Variants in PPA1 observed in about 807,000 individuals in gnomAD.
PPA1 encodes the protein inorganic pyrophosphatase 1.
A neutral mutation model predicts 41.8 loss-of-function variants in PPA1; 23 were observed. That is an observed-to-expected ratio of 0.55 (90% confidence interval 0.40 to 0.78). PPA1 has a LOEUF of 0.78. Ranked by LOEUF, PPA1 falls within the 30% of genes least tolerant of loss-of-function variation. The pLI, the probability that PPA1 is intolerant of heterozygous loss-of-function variation, is 0.00. For missense variants in PPA1, 320 were observed against 361.6 expected, an observed-to-expected ratio of 0.89 and a Z score of 0.93; for synonymous variants, 101 against 116.8, an observed-to-expected ratio of 0.86 and a Z score of 0.87.
chr10:70,206,235 GT>G (rs562005919), intron 9 of PPA1, 28 bp downstream of exon 9: 22,372 of 1,282,410 alleles, frequency 0.017, 188 homozygotes, highest in Non-Finnish European at 0.019. Flanking sequence ...AACCAGGCTT[GT>G]TTTTTTTTTA....
intron 2 of PPA1, among the ~76,000 whole-genome samples, chr10:70,221,104 G>T (rs1840163893): frequency 2.7e-5 from 2 of 72,880 alleles, no homozygotes; most frequent in African/African-American, 7.6e-5. Flanking sequence ...TTGTAGAGAT[G>T]GAGCTTTGCC....
Position 70,213,839 on chromosome 10 carries a change from A to G in PPA1, c.385-250T>C, listed in dbSNP as rs532626778. On this transcript the variant is annotated intron_variant, in intron 5 of 10. Transcript: ENST00000373232. The stretch of plus-strand genomic sequence containing the variant: ...AACCAGTACATAGCTCAGGGTAATC[A>G]ATGTTTTTTGCACTGTCATTGATTA... Among the ~76,000 whole-genome samples the G allele has an allele frequency of 3.9e-5, 6 of 152,286 alleles. 1 individual carries two copies. Among genetic ancestry groups the G allele is most frequent in the African/African-American group, 1.4e-4 (6 of 41,574 alleles).
chr10:70,224,936 G>A (rs1173897200), intron 2 of PPA1, among the ~76,000 whole-genome samples: 2 of 152,096 alleles, frequency 1.3e-5, no homozygotes, highest in African/African-American at 4.8e-5. Flanking sequence ...TCTCCATGTT[G>A]GTCAGGCTGG....
chr10:70,222,878 C>T (rs946549628), intron 2 of PPA1, among the ~76,000 whole-genome samples: 2 of 145,614 alleles, frequency 1.4e-5, no homozygotes, highest in African/African-American at 5.1e-5. Flanking sequence ...GTTCCCCTTC[C>T]TGTGTCCACG....
At chr10:70,226,067 A>G (rs1483911630) in intron 2 of PPA1, among the ~76,000 whole-genome samples, 2 of 152,254 alleles carry the variant, frequency 1.3e-5, no homozygotes, top group Non-Finnish European at 2.9e-5. Context: ...ACATTTGTTC[A>G]ACAAATTGTG....
intron 2 of PPA1, among the ~76,000 whole-genome samples, chr10:70,221,948 G>A (rs1046563732): frequency 6.6e-6 from 1 of 151,878 alleles, no homozygotes; most frequent in African/African-American, 2.4e-5. Context: ...TTAATGGGAA[G>A]GAAAAAAATA....
At chr10:70,221,633 C>T (rs1411568963) in intron 2 of PPA1, among the ~76,000 whole-genome samples, 3 of 152,260 alleles carry the variant, frequency 2.0e-5, no homozygotes, top group Admixed American at 1.3e-4. Flanking sequence ...GGTGTAAAAA[C>T]GAGAGATCTG....
chr10:70,229,965 G>A (rs938195351), intron 2 of PPA1, among the ~76,000 whole-genome samples: 1 of 151,950 alleles, frequency 6.6e-6, no homozygotes, highest in Non-Finnish European at 1.5e-5. Flanking sequence ...CTGGAGTACA[G>A]TAGTGCCATC....
chr10:70,218,934 G>A (rs1840106066), intron 2 of PPA1, 117 bp from the exon 3 acceptor site: 6 of 706,824 alleles, frequency 8.5e-6, no homozygotes, highest in Non-Finnish European at 1.5e-5. Flanking sequence ...GAAGTCAATT[G>A]GATTTTCAAC....
At chr10:70,217,968 A>G in intron 3 of PPA1, 37 bp from the exon 4 acceptor site, 1 of 1,494,136 alleles carries the variant, frequency 6.7e-7, no homozygotes, top group Non-Finnish European at 9.1e-7. Context: ...GCATATTTGG[A>G]TGTGAAATAC....
Position 70,214,582 on chromosome 10 carries a change from C to G in PPA1, c.302G>C (p.Trp101Ser), listed in dbSNP as rs1840057943. ...IWNYGAIPQT[W>S]EDPGHNDKHT... The stretch of plus-strand genomic sequence containing the variant: ...TTTATCATTGTGCCCTGGGTCTTCC[C>G]AAGTCTAAAAATATAAGACAGTGTA... Residue 101 changes from tryptophan (W) to serine (S), a missense_variant, in exon 5 of 11, where the codon TGG (tryptophan) becomes TCG (serine). Physicochemically the swap from Trp to Ser is radical, Grantham distance 177. Transcript: ENST00000373232. The G allele has an allele frequency of 6.2e-7, 1 of 1,611,522 alleles. No individual in the cohort carries two copies. The highest frequency in any genetic ancestry group is 8.5e-7 in the Non-Finnish European group (1 of 1,177,920).
intron 2 of PPA1, among the ~76,000 whole-genome samples, chr10:70,223,315 A>G (rs1173768348): frequency 6.6e-6 from 1 of 152,002 alleles, no homozygotes; most frequent in Non-Finnish European, 1.5e-5. Context: ...CCTGGTCTCA[A>G]GCAATCCTCC....
intron 2 of PPA1, among the ~76,000 whole-genome samples, chr10:70,223,919 A>T (rs901492792): frequency 5.3e-5 from 8 of 152,124 alleles, no homozygotes; most frequent in Non-Finnish European, 8.8e-5. Flanking sequence ...CAATCCTACC[A>T]TGCTTTGGAG....
chr10:70,207,244 G>A lies in PPA1; in HGVS notation c.726-911C>T, dbSNP rs142974230. 3.0e-4 allele frequency among the ~76,000 whole-genome samples: 45 copies of A among 152,154 alleles called. No homozygotes were observed. The South Asian group carries it at 5.0e-3, about 17-fold the overall frequency. ...CACTATTAATAGTGGTGAAAAATTG[G>A]AAGTAACCAAAATGTCCAATAATAA... On this transcript the variant is annotated intron_variant, in intron 8 of 10. Transcript: ENST00000373232.
chr10:70,212,229 C>T (rs1840028665), intron 6 of PPA1, among the ~76,000 whole-genome samples: 1 of 152,188 alleles, frequency 6.6e-6, no homozygotes, highest in Admixed American at 6.6e-5. Flanking sequence ...TCTATTTATT[C>T]AATCATTTAT....
chr10:70,221,081 T>TTTTTTTTTTTTGTAGAGA (rs1840162206), intron 2 of PPA1, among the ~76,000 whole-genome samples: 1 of 25,076 alleles, frequency 4.0e-5, no homozygotes, highest in South Asian at 1.0e-3. Context: ...TATATATTTT[T>TTTTTTTTTTTTGTAGAGA]TTTTTTTTTT....
intron 9 of PPA1, chr10:70,205,719 T>C (rs1448486790): frequency 6.6e-6 from 1 of 152,400 alleles, no homozygotes; most frequent in East Asian, 1.9e-4. Context: ...GTTTTCCTTA[T>C]TTAATATTAT....
chr10:70,222,352 A>T (rs903241272), intron 2 of PPA1, among the ~76,000 whole-genome samples: 2 of 151,436 alleles, frequency 1.3e-5, no homozygotes, highest in African/African-American at 4.8e-5. Context: ...AAAAAAAAAA[A>T]AAAAAAAGAA....
chr10:70,221,037 TAA>T (rs2136764615), intron 2 of PPA1, among the ~76,000 whole-genome samples: 1 of 72,414 alleles, frequency 1.4e-5, no homozygotes, highest in South Asian at 3.5e-4. Context: ...AATATATATA[TAA>T]ATTATATATA....
Sources: gnomAD v4.1 joint callset for allele counts (sites outside exome capture counted in the v4.1 genomes callset) on GRCh38, gnomAD v4.1.1 for gene constraint, MANE v1.5 for transcripts, NCBI Gene and HGNC (gene_info 2026-07-23, HGNC 2026-07-21) for gene names.